Variants in PPP1R13B observed in about 807,000 individuals in gnomAD.
PPP1R13B encodes protein phosphatase 1 regulatory subunit 13B, also known as apoptosis-stimulating of p53 protein 1.
Under a neutral mutation model 119.8 loss-of-function variants are expected in PPP1R13B, and 44 were observed. The observed-to-expected ratio is 0.37, with a 90% CI of 0.29 to 0.47. The LOEUF is 0.47. Ranked by LOEUF, PPP1R13B falls within the 20% of genes least tolerant of loss-of-function variation. PPP1R13B has a pLI of 0.99. For missense variants in PPP1R13B, 1,227 were observed against 1,413.5 expected, an observed-to-expected ratio of 0.87 and a Z score of 2.12; for synonymous variants, 542 against 561.5, an observed-to-expected ratio of 0.97 and a Z score of 0.49.
At chr14:103,832,878 A>G (rs991229758) in intron 1 of PPP1R13B, among the ~76,000 whole-genome samples, 2 of 152,162 alleles carry the variant, frequency 1.3e-5, no homozygotes, top group Non-Finnish European at 2.9e-5. Flanking sequence ...GCTACTTGGG[A>G]GGATGGGGCA....
At chr14:103,760,709 T>C (rs1277541771) in intron 4 of PPP1R13B, among the ~76,000 whole-genome samples, 1 of 152,186 alleles carries the variant, frequency 6.6e-6, no homozygotes, top group Non-Finnish European at 1.5e-5. Context: ...CTGCTACTCA[T>C]GAACCCAGCT....
chr14:103,818,400 G>A (rs1480329838), intron 1 of PPP1R13B: 1 of 770,620 alleles, frequency 1.3e-6, no homozygotes, highest in Non-Finnish European at 1.6e-6. Context: ...ATATTTCTAT[G>A]ACCATAATTT....
rs529067423 is a variant in PPP1R13B, at chr14:103,775,564, C to T, written c.354+3181G>A. Among the ~76,000 whole-genome samples, 56 of 152,272 alleles carry T rather than the reference C, an allele frequency of 3.7e-4. No homozygotes were observed. In the South Asian group the frequency reaches 0.011, roughly 30 times the overall value. The stretch of plus-strand genomic sequence containing the variant: ...TGCTGGGATTACAGGAGCTAGCCAC[C>T]GCGCCCGTCCCATGGTAAATCTTAG... On this transcript the variant is annotated intron_variant, in intron 4 of 16. Transcript: ENST00000202556.
At position 103,742,564 on chromosome 14, in the gene PPP1R13B, G is replaced by A. The variant is rs369488809; in HGVS notation, c.1320+90C>T. On this transcript the variant is annotated intron_variant, in intron 10 of 16. Coordinates refer to ENST00000202556, the MANE Select transcript of PPP1R13B (RefSeq NM_015316.3). This position sits in a 1 kb window ranked among gnomAD's most constrained non-coding sequence, Gnocchi z 4.9. ...CAATAACAGGATTAACTTGCCTCCT[G>A]ACAAGTCATACCCTTTAGCTTAGTA... The A allele has an allele frequency of 1.3e-6, 2 of 1,486,408 alleles. No individual in the cohort carries two copies. The highest frequency in any genetic ancestry group is 1.3e-5 in the South Asian group (1 of 75,730). 92.1% of individuals were successfully genotyped at this position (1,486,408 alleles called of 1,614,324 possible).
At position 103,737,834 on chromosome 14, in the gene PPP1R13B, C is replaced by A. The variant is rs755641913; in HGVS notation, c.2891G>T (p.Cys964Phe). 7.4e-6 allele frequency: 12 copies of A among 1,614,108 alleles called. No homozygotes were observed. Among genetic ancestry groups the A allele is most frequent in the Non-Finnish European group, 1.0e-5 (12 of 1,180,012 alleles). ...GWTPLHCAAS[C>F]NSVHLCKQLV... ...CTGTTTGCAGAGGTGAACGCTGTTA[C>A]AAGAGGCAGCGCAGTGCAGCGGCGT... Residue 964 changes from cysteine to phenylalanine, a missense_variant, in exon 15 of 17, where the codon TGT (cysteine) becomes TTT (phenylalanine). Transcript: ENST00000202556.
At chr14:103,806,294 C>A (rs1360432953) in intron 1 of PPP1R13B, among the ~76,000 whole-genome samples, 2 of 152,146 alleles carry the variant, frequency 1.3e-5, no homozygotes, top group Non-Finnish European at 2.9e-5. Context: ...CCAACCCAAT[C>A]AGGTAAAGTA....
intron 8 of PPP1R13B, among the ~76,000 whole-genome samples, chr14:103,749,385 G>C (rs2084480131): frequency 6.6e-6 from 1 of 152,090 alleles, no homozygotes; most frequent in African/African-American, 2.4e-5. Context: ...ACAACTCACG[G>C]GGCAGGTAGG....
At chr14:103,735,865 G>A in intron 16 of PPP1R13B, 138 bp downstream of exon 16, 1 of 933,368 alleles carries the variant, frequency 1.1e-6, no homozygotes, top group Non-Finnish European at 1.6e-6. Context: ...TGCCAAGTAG[G>A]CACCTCCCCC....
At chr14:103,750,244 C>T (rs544594080) in intron 7 of PPP1R13B, among the ~76,000 whole-genome samples, 2 of 152,298 alleles carry the variant, frequency 1.3e-5, no homozygotes, top group Admixed American at 6.5e-5. Flanking sequence ...TGCTCTGCTC[C>T]ACCCCATGGA....
At chr14:103,828,761 C>T (rs928726742) in intron 1 of PPP1R13B, among the ~76,000 whole-genome samples, 2 of 152,154 alleles carry the variant, frequency 1.3e-5, no homozygotes, top group South Asian at 4.1e-4. Context: ...ACAGCAGGGC[C>T]GGACTGCTAA....
intron 1 of PPP1R13B, among the ~76,000 whole-genome samples, chr14:103,802,481 T>C (rs376045876): frequency 2.6e-5 from 4 of 152,344 alleles, no homozygotes; most frequent in East Asian, 1.9e-4. Context: ...TACTTCGGAA[T>C]CGGTTTTTCT....
At chr14:103,788,682 A>G (rs886188248) in intron 2 of PPP1R13B, among the ~76,000 whole-genome samples, 3 of 152,042 alleles carry the variant, frequency 2.0e-5, no homozygotes, top group African/African-American at 7.2e-5. Flanking sequence ...GTCTCAAAAC[A>G]ATCAAAGCAA....
intron 3 of PPP1R13B, 136 bp from the exon 4 acceptor site, chr14:103,778,957 AGTTG>A: frequency 2.9e-6 from 2 of 699,794 alleles, no homozygotes; most frequent in Admixed American, 5.7e-5. Flanking sequence ...ACTTTAGTAC[AGTTG>A]AAAAAATGGT....
chr14:103,811,735 C>G (rs760967135), intron 1 of PPP1R13B, among the ~76,000 whole-genome samples: 11 of 152,100 alleles, frequency 7.2e-5, no homozygotes, highest in Non-Finnish European at 1.0e-4. Context: ...ACAAATAACT[C>G]TTTTTTCTTT....
At chr14:103,771,234 G>A (rs1003650774) in intron 4 of PPP1R13B, among the ~76,000 whole-genome samples, 1 of 151,992 alleles carries the variant, frequency 6.6e-6, no homozygotes, top group Non-Finnish European at 1.5e-5. Context: ...TACTGACAAA[G>A]GCCTTTCAGG....
intron 2 of PPP1R13B, among the ~76,000 whole-genome samples, chr14:103,791,902 T>A (rs1354311237): frequency 6.6e-6 from 1 of 152,232 alleles, no homozygotes; most frequent in African/African-American, 2.4e-5. Flanking sequence ...CAGTTTTGCA[T>A]AAAATTGTGT....
At chr14:103,767,239 C>T (rs910247131) in intron 4 of PPP1R13B, among the ~76,000 whole-genome samples, 19 of 152,070 alleles carry the variant, frequency 1.2e-4, no homozygotes, top group African/African-American at 3.9e-4. Flanking sequence ...TGCTTGAGCC[C>T]GGGGTTCCAA....
intron 1 of PPP1R13B, among the ~76,000 whole-genome samples, chr14:103,820,239 T>C (rs970926603): frequency 1.3e-4 from 20 of 152,122 alleles, no homozygotes; most frequent in African/African-American, 3.6e-4. Flanking sequence ...CCTCAGCTCC[T>C]CTGTTCAGCA....
intron 2 of PPP1R13B, among the ~76,000 whole-genome samples, chr14:103,793,098 G>A (rs1444375873): frequency 7.3e-6 from 1 of 137,400 alleles, no homozygotes; most frequent in Non-Finnish European, 1.6e-5. Flanking sequence ...AGGAAGGGGA[G>A]GGGAGGGAAG....
Sources: gnomAD v4.1 joint callset for allele counts (sites outside exome capture counted in the v4.1 genomes callset) on GRCh38, gnomAD v4.1.1 for gene constraint, Gnocchi (gnomAD v3.1) non-coding constraint, MANE v1.5 for transcripts, NCBI Gene and HGNC (gene_info 2026-07-23, HGNC 2026-07-21) for gene names.